The following LOXL2 variants were observed in gnomAD, a reference collection of about 807,000 sequenced individuals.
The protein encoded by LOXL2 is lysyl oxidase homolog 2.
A neutral mutation model predicts 93.0 loss-of-function variants in LOXL2; 70 were observed. The observed-to-expected ratio is 0.75, with a 90% CI of 0.62 to 0.92. The LOEUF (loss-of-function observed/expected upper bound fraction) is 0.92. Ranked by LOEUF, LOXL2 falls within the 40% of genes least tolerant of loss-of-function variation. The pLI is 0.00. For synonymous variants in LOXL2, 438 were observed against 413.2 expected (o/e 1.06, Z -0.73); for missense variants, 973 against 1,054.9 (o/e 0.92, Z 1.08).
intron 3 of LOXL2, among the ~76,000 whole-genome samples, chr8:23,354,818 C>T (rs1027615887): frequency 6.6e-5 from 10 of 151,686 alleles, no homozygotes; most frequent in Admixed American, 2.0e-4. Flanking sequence ...TGAATTCCTC[C>T]ACTGACAAGG....
At chr8:23,347,667 T>C (rs1170751440) in intron 3 of LOXL2, among the ~76,000 whole-genome samples, 3 of 151,802 alleles carry the variant, frequency 2.0e-5, no homozygotes, top group African/African-American at 7.3e-5. Flanking sequence ...TATAAATAAA[T>C]AAATAATAAA....
chr8:23,311,141 C>T (rs995110322), intron 9 of LOXL2, among the ~76,000 whole-genome samples: 1 of 152,270 alleles, frequency 6.6e-6, no homozygotes. Flanking sequence ...GTGGAGTGAG[C>T]TCTGTCTCCC....
At chr8:23,309,112 G>C (rs1335511495) in intron 10 of LOXL2, among the ~76,000 whole-genome samples, 1 of 151,686 alleles carries the variant, frequency 6.6e-6, no homozygotes, top group Non-Finnish European at 1.5e-5. Flanking sequence ...AGCCTCCCAA[G>C]TAGCTGAGGC....
chr8:23,401,399 T>C (rs1800150021), intron 1 of LOXL2, among the ~76,000 whole-genome samples: 5 of 152,252 alleles, frequency 3.3e-5, no homozygotes, highest in Admixed American at 3.3e-4. Flanking sequence ...ATATTTTTTT[T>C]TTAGTTTTCT....
chr8:23,354,588 C>CTCTGTGTGTG (rs1315357250), intron 3 of LOXL2, among the ~76,000 whole-genome samples: 2 of 150,804 alleles, frequency 1.3e-5, no homozygotes, highest in African/African-American at 4.9e-5. Flanking sequence ...CATCCCTTCT[C>CTCTGTGTGTG]TGTGTGTGTG....
chr8:23,330,852 C>T (rs533959855), intron 5 of LOXL2, among the ~76,000 whole-genome samples: 6 of 152,074 alleles, frequency 3.9e-5, no homozygotes, highest in East Asian at 2.0e-4. Flanking sequence ...AGGGACATGG[C>T]GCTGTCCAGG....
chr8:23,322,041 TG>T, intron 7 of LOXL2, 88 bp downstream of exon 7: 1 of 1,398,252 alleles, frequency 7.2e-7, no homozygotes, highest in Non-Finnish European at 9.9e-7. Context: ...CAGCAGCACC[TG>T]GTCACTTCCA....
intron 5 of LOXL2, among the ~76,000 whole-genome samples, chr8:23,332,654 C>T (rs1803714920): frequency 1.0e-5 from 1 of 100,450 alleles, no homozygotes; most frequent in Non-Finnish European, 2.0e-5. Context: ...CTCACACGCT[C>T]ATACACCCCC....
At position 23,309,753 on chromosome 8, in the gene LOXL2, A is replaced by C. The variant is rs1326100869; in HGVS notation, c.1795T>G (p.Phe599Val). Residue 599 changes from phenylalanine to valine, a missense_variant, in exon 10 of 14, where the codon TTC (phenylalanine) becomes GTC (valine). Phe to Val is a conservative substitution (Grantham distance 50, BLOSUM62 -1). Coordinates refer to ENST00000389131, the MANE Select transcript of LOXL2 (RefSeq NM_002318.3). ...CCATTGTTGTGGATCTGGGAGGAGAAGCGCAGGAGCCGGCGGTAGCCCGTG... is the reference window on the plus strand; with the variant it reads ...CCATTGTTGTGGATCTGGGAGGAGACGCGCAGGAGCCGGCGGTAGCCCGTG... ...PTTGYRRLLR[F>V]SSQIHNNGQS... The C allele has an allele frequency of 6.2e-7, 1 of 1,601,568 alleles. No homozygotes were observed. Among genetic ancestry groups the C allele is most frequent in the Admixed American group, 1.7e-5 (1 of 58,048 alleles).
intron 3 of LOXL2, among the ~76,000 whole-genome samples, chr8:23,342,625 G>T (rs975166032): frequency 2.6e-5 from 4 of 152,050 alleles, no homozygotes; most frequent in African/African-American, 9.7e-5. Context: ...TAGAGACAGG[G>T]TTTCACCATG....
At chr8:23,378,768 C>T (rs938747507) in intron 1 of LOXL2, among the ~76,000 whole-genome samples, 4 of 152,216 alleles carry the variant, frequency 2.6e-5, no homozygotes, top group African/African-American at 7.2e-5. Context: ...ACGTAGTTCT[C>T]GTGCCATGGT....
chr8:23,381,075 GTGTTGTAA>G (rs1804675349), intron 1 of LOXL2, among the ~76,000 whole-genome samples: 1 of 144,574 alleles, frequency 6.9e-6, no homozygotes, highest in African/African-American at 2.6e-5. Context: ...GATCAAAACT[GTGTTGTAA>G]ACCTCTCCAG....
At chr8:23,302,001 C>G (rs1227547522) in intron 12 of LOXL2, 26 bp downstream of exon 12, 2 of 1,613,530 alleles carry the variant, frequency 1.2e-6, no homozygotes, top group African/African-American at 1.3e-5. Flanking sequence ...CCCTGCAGGG[C>G]TGGAACCCCT....
chr8:23,326,894 C>A (rs1352029206), intron 6 of LOXL2, among the ~76,000 whole-genome samples: 2 of 152,210 alleles, frequency 1.3e-5, no homozygotes, highest in South Asian at 2.1e-4. Flanking sequence ...GAAGCTTGCA[C>A]AGACTGGAGA....
At chr8:23,321,936 G>A (rs1803503357) in intron 7 of LOXL2, 194 bp downstream of exon 7, 2 of 604,924 alleles carry the variant, frequency 3.3e-6, no homozygotes, top group Non-Finnish European at 2.9e-6. Flanking sequence ...TGCACACAGG[G>A]GCTTGGGCCT....
intron 1 of LOXL2, among the ~76,000 whole-genome samples, chr8:23,388,623 TCACACACACACACACACACA>T (rs10522826): frequency 1.5e-4 from 21 of 142,926 alleles, no homozygotes; most frequent in East Asian, 1.0e-3. Flanking sequence ...AAAAATATAC[TCACACACACACACACACACA>T]CACACACACA....
intron 1 of LOXL2, among the ~76,000 whole-genome samples, chr8:23,401,893 T>A (rs1362608484): frequency 6.6e-6 from 1 of 152,250 alleles, no homozygotes; most frequent in African/African-American, 2.4e-5. Flanking sequence ...TACGTTTTGT[T>A]TTCAGACCTG....
intron 10 of LOXL2, among the ~76,000 whole-genome samples, chr8:23,304,087 G>C (rs1266028345): frequency 6.6e-6 from 1 of 152,218 alleles, no homozygotes; most frequent in Non-Finnish European, 1.5e-5. Context: ...CAGCTGGGAG[G>C]CCCTCTGGGA....
chr8:23,353,573 A>G (rs1804132332), intron 3 of LOXL2, among the ~76,000 whole-genome samples: 1 of 152,152 alleles, frequency 6.6e-6, no homozygotes, highest in Non-Finnish European at 1.5e-5. Flanking sequence ...CTGAGAATAT[A>G]CAATAAGATA....
Sources: gnomAD v4.1 joint callset for allele counts (sites outside exome capture counted in the v4.1 genomes callset) on GRCh38, gnomAD v4.1.1 for gene constraint, MANE v1.5 for transcripts, NCBI Gene and HGNC (gene_info 2026-07-23, HGNC 2026-07-21) for gene names.